The following DMTN variants were observed in gnomAD, a reference collection of about 807,000 sequenced individuals.
DMTN encodes the protein dematin.
DMTN carries 27 observed loss-of-function variants against 59.4 expected under a neutral mutation model. That is an observed-to-expected ratio of 0.45 (90% CI 0.33 to 0.63). The LOEUF is 0.63. Among genes scored for constraint, DMTN ranks in the 20% least tolerant of loss-of-function variants. The probability of loss-of-function intolerance (pLI) is 0.02; values close to 1 mark genes in which losing one functional copy is unlikely to be tolerated. For synonymous variants in DMTN, 221 were observed against 203.7 expected, an observed-to-expected ratio of 1.08 and a Z score of -0.72; for missense variants, 451 against 528.9, an observed-to-expected ratio of 0.85 and a Z score of 1.45.
chr8:22,072,394 G>A lies in DMTN; in HGVS notation c.673G>A (p.Asp225Asn), dbSNP rs985403776. The A allele has an allele frequency of 1.1e-5, 18 of 1,599,292 alleles. No individual in the cohort carries two copies. The highest frequency in any genetic ancestry group is 5.2e-5 in the Admixed American group (3 of 58,074). ...GGAAGAGGAGGAGGAGGAAGATGAC[G>A]ACTCTGGAGAGGAGATGAAGGCTCT... ...AEEEEEEEDD[D>N]SGEEMKALRE... The change falls in exon 9 of 16, where the codon GAC becomes AAC. Residue 225 changes from aspartate (D) to asparagine (N), a missense_variant. Asp to Asn is a conservative substitution (Grantham distance 23). Coordinates refer to ENST00000358242, the MANE Select transcript of DMTN (RefSeq NM_001387751.1).
At chr8:22,067,476 TCCTAGG>T in intron 3 of DMTN, 45 bp from the exon 4 acceptor site, 1 of 1,609,440 alleles carries the variant, frequency 6.2e-7, no homozygotes, top group Non-Finnish European at 8.5e-7. Flanking sequence ...AGGGCCAGTG[TCCTAGG>T]CGGGGCTTTC....
At chr8:22,075,442 G>A (rs1819014740) in intron 10 of DMTN, among the ~76,000 whole-genome samples, 1 of 150,928 alleles carries the variant, frequency 6.6e-6, no homozygotes, top group Non-Finnish European at 1.5e-5. Flanking sequence ...TCTATCTTCT[G>A]GGCTTGAATG....
At chr8:22,063,029 A>G (rs57218743) in intron 1 of DMTN, among the ~76,000 whole-genome samples, 9,931 of 152,024 alleles carry the variant, frequency 0.065, 567 homozygotes, top group African/African-American at 0.16. Context: ...CTCATGTTTG[A>G]ACTACCACCT....
Position 22,072,505 on chromosome 8 carries a change from C to A in DMTN, c.729+55C>A, listed in dbSNP as rs3824335. 2.5e-5 allele frequency: 37 copies of A among 1,485,580 alleles called. 1 individual carries two copies. In the East Asian group the frequency reaches 9.7e-4, roughly 39 times the overall value. The allele number at this position is 1,485,580 out of a possible 1,614,324, so 92.0% of individuals were successfully genotyped here. A position where few individuals can be genotyped will look rare whatever the true frequency, so the allele number is the denominator to read the frequency against. On this transcript the variant is annotated intron_variant, in intron 9 of 15. Transcript: ENST00000358242. ...CCTGTGCAGGAGTCTCGCTCTGTTGCCCAGGCTGGCATGCAGTGGCATGAT... is the reference window on the plus strand; with the variant it reads ...CCTGTGCAGGAGTCTCGCTCTGTTGACCAGGCTGGCATGCAGTGGCATGAT...
At chr8:22,072,080 A>G (rs567303924) in intron 8 of DMTN, among the ~76,000 whole-genome samples, 3 of 152,044 alleles carry the variant, frequency 2.0e-5, no homozygotes, top group East Asian at 1.9e-4. Flanking sequence ...ATAATTTTCT[A>G]TAGAGACTAT....
At chr8:22,067,727 C>G (rs751973483) in intron 4 of DMTN, 45 bp downstream of exon 4, 3 of 1,603,492 alleles carry the variant, frequency 1.9e-6, no homozygotes, top group Admixed American at 3.4e-5. Context: ...AGGCCCCCCC[C>G]AGCCACACTG....
At chr8:22,064,164 G>A (rs546263877) in intron 1 of DMTN, among the ~76,000 whole-genome samples, 9 of 152,250 alleles carry the variant, frequency 5.9e-5, no homozygotes, top group Admixed American at 2.0e-4. Context: ...ATGGATGGAT[G>A]GATGGATAGA....
intron 1 of DMTN, among the ~76,000 whole-genome samples, chr8:22,061,131 G>A (rs1351458994): frequency 6.6e-6 from 1 of 151,482 alleles, no homozygotes; most frequent in African/African-American, 2.4e-5. Flanking sequence ...AATTTGTTTT[G>A]AATTAGCCGG....
Position 22,070,100 on chromosome 8 carries a change from C to T in DMTN, c.452-82C>T, listed in dbSNP as rs1410037819. 4.5e-6 allele frequency: 7 copies of T among 1,555,412 alleles called. No homozygotes were observed. The Admixed American group carries it at 1.1e-4, about 24-fold the overall frequency. ...CACTGCTTTTACCTGCAGGACCTCA[C>T]AGGTGTGAGGGGGGAGGGGTGAAGG... On this transcript the variant is annotated intron_variant, in intron 7 of 15. Transcript: ENST00000358242.
chr8:22,078,081 G>A (rs1310922272), intron 10 of DMTN, among the ~76,000 whole-genome samples: 1 of 152,014 alleles, frequency 6.6e-6, no homozygotes, highest in Non-Finnish European at 1.5e-5. Flanking sequence ...ATTTTAAGAA[G>A]AGGCTGGGTG....
intron 4 of DMTN, 137 bp downstream of exon 4, chr8:22,067,819 A>G (rs1335678340): frequency 9.7e-7 from 1 of 1,035,208 alleles, no homozygotes; most frequent in African/African-American, 1.6e-5. Context: ...CGCAGGAACC[A>G]ACCAGTCAGT....
intron 4 of DMTN, 94 bp from the exon 5 acceptor site, chr8:22,068,922 G>A (rs2130992962): frequency 7.0e-7 from 1 of 1,435,690 alleles, no homozygotes; most frequent in Non-Finnish European, 9.8e-7. Context: ...AAAGTGTGCG[G>A]CTTTGGGTGG....
chr8:22,079,413 T>TGCACTTCA (rs1042211559), intron 10 of DMTN, among the ~76,000 whole-genome samples: 1 of 149,888 alleles, frequency 6.7e-6, no homozygotes, highest in African/African-American at 2.4e-5. Context: ...ATCACACCAC[T>TGCACTTCA]GCACTTCAGC....
intron 10 of DMTN, among the ~76,000 whole-genome samples, chr8:22,076,974 G>A (rs189213874): frequency 1.4e-3 from 208 of 152,258 alleles, no homozygotes; most frequent in African/African-American, 4.6e-3. Context: ...TGGAACTGCC[G>A]TGGAGGGGAG....
chr8:22,081,693 A>C lies in DMTN; in HGVS notation c.*230A>C. ...CCCTGGCCCTCCCTGCACAGGGCAA[A>C]GCCAGTCTGGGCTCTGGCACACAGA... On this transcript the variant is annotated 3_prime_UTR_variant, in exon 16 of 16. Transcript: ENST00000358242. The C allele has an allele frequency of 1.7e-6, 1 of 593,766 alleles. No homozygotes were observed. The highest frequency in any genetic ancestry group is 3.1e-6 in the Non-Finnish European group (1 of 327,674). The allele number at this position is 593,766 out of a possible 1,614,324, so 36.8% of individuals were successfully genotyped here.
upstream of DMTN, chr8:22,054,899 G>A (rs1002658877): frequency 6.6e-6 from 1 of 152,522 alleles, no homozygotes; most frequent in African/African-American, 2.4e-5. Flanking sequence ...CTGAGCTGCC[G>A]GCAGGTTGTC....
Position 22,080,402 on chromosome 8 carries a change from T to G in DMTN, c.901-10T>G, listed in dbSNP as rs773933710. ...CCCGACTGCCTCTGATTCCTTTGTG[T>G]CCTTTCTAGCTACAGTCCACAGAGT... On this transcript the variant is annotated splice_polypyrimidine_tract_variant and intron_variant, in intron 11 of 15. Coordinates refer to ENST00000358242, the MANE Select transcript of DMTN (RefSeq NM_001387751.1). 5.6e-6 allele frequency: 9 copies of G among 1,614,242 alleles called. No homozygotes were observed. Among genetic ancestry groups the G allele is most frequent in the Non-Finnish European group, 5.9e-6 (7 of 1,180,048 alleles).
At chr8:22,076,646 G>C (rs1419482538) in intron 10 of DMTN, among the ~76,000 whole-genome samples, 1 of 151,010 alleles carries the variant, frequency 6.6e-6, no homozygotes, top group Non-Finnish European at 1.5e-5. Flanking sequence ...GATATATATA[G>C]TGACATATAT....
At position 22,079,303 on chromosome 8, in the gene DMTN, A is replaced by ATATATATATATATATATATATATAG. The variant is rs67715172; in HGVS notation, c.836-877_836-876insTATATATATATATATATATATATAG. On this transcript the variant is annotated intron_variant, in intron 10 of 15. Transcript: ENST00000358242. ...ATATATATATATATATATATATATT[A>ATATATATATATATATATATATATAG]GCTGGGTTTGATGGCGCATGCCCCT... 1.0e-3 allele frequency among the ~76,000 whole-genome samples: 52 copies of ATATATATATATATATATATATATAG among 52,192 alleles called. 3 individuals are homozygous for ATATATATATATATATATATATATAG. The highest frequency in any genetic ancestry group is 2.5e-3 in the South Asian group (3 of 1,220). 34.2% of individuals were successfully genotyped at this position (52,192 alleles called of 152,430 possible).
Sources: allele counts gnomAD v4.1 joint callset (sites outside exome capture counted in the v4.1 genomes callset), GRCh38; gene constraint gnomAD v4.1.1; transcripts MANE v1.5; gene names NCBI Gene and HGNC (gene_info 2026-07-23, HGNC 2026-07-21).